TBX20: variants seen among roughly 807,000 people sequenced by gnomAD.
TBX20 encodes T-box transcription factor 20, also known as T-box transcription factor TBX20.
In TBX20, 8 loss-of-function variants were observed where a neutral mutation model predicts 42.9. The ratio of observed to expected loss-of-function variants is 0.19; its 90% CI spans 0.11 to 0.34. TBX20 has a LOEUF of 0.34. Among genes scored for constraint, TBX20 ranks in the 10% least tolerant of loss-of-function variants. TBX20 has a pLI of 1.00. For synonymous variants in TBX20, 198 were observed against 222.8 expected (o/e 0.89, Z 0.99); for missense variants, 411 against 566.0 (o/e 0.73, Z 2.78).
chr7:35,253,351 C>A, intron 1 of TBX20, 143 bp downstream of exon 1: 1 of 970,664 alleles, frequency 1.0e-6, no homozygotes, highest in African/African-American at 1.6e-5. Flanking sequence ...AAAACTTGGA[C>A]CCAAAAGAAA....
At chr7:35,226,417 A>T (rs1312643042) in intron 6 of TBX20, among the ~76,000 whole-genome samples, 1 of 151,904 alleles carries the variant, frequency 6.6e-6, no homozygotes, top group Non-Finnish European at 1.5e-5. Context: ...AAAAAAAAAA[A>T]AAAACCTAAG....
intron 6 of TBX20, among the ~76,000 whole-genome samples, chr7:35,218,425 G>A (rs888324963): frequency 1.3e-5 from 2 of 152,148 alleles, no homozygotes; most frequent in Admixed American, 6.5e-5. Flanking sequence ...CCCAACTGCT[G>A]TGTGATTATA....
At chr7:35,234,452 C>T (rs1313227507) in intron 5 of TBX20, among the ~76,000 whole-genome samples, 2 of 152,196 alleles carry the variant, frequency 1.3e-5, no homozygotes, top group Non-Finnish European at 2.9e-5. Flanking sequence ...ATAATACTGC[C>T]ATACTTTGAG....
At position 35,253,907 on chromosome 7, in the gene TBX20, A is replaced by T. The variant is rs1400586835; in HGVS notation, c.-287T>A. On this transcript the variant is annotated 5_prime_UTR_variant, in exon 1 of 8. Transcript: ENST00000408931. ...GCCCCGGGGCGCTCGGCAGGACGACAGTCTGCACAGCCCGAAGGCGGAAAC... is the reference window on the plus strand; with the variant it reads ...GCCCCGGGGCGCTCGGCAGGACGACTGTCTGCACAGCCCGAAGGCGGAAAC... 2 of 431,044 alleles carry T rather than the reference A, an allele frequency of 4.6e-6. No individual in the cohort carries two copies. The highest frequency in any genetic ancestry group is 8.4e-6 in the Non-Finnish European group (2 of 237,250). The allele number at this position is 431,044 out of a possible 1,614,324, so 26.7% of individuals were successfully genotyped here. A position where few individuals can be genotyped will look rare whatever the true frequency, so the allele number is the denominator to read the frequency against.
intron 6 of TBX20, 92 bp downstream of exon 6, chr7:35,231,412 G>A (rs1789863671): frequency 2.4e-6 from 2 of 838,070 alleles, no homozygotes; most frequent in Admixed American, 3.8e-5. Flanking sequence ...GTAAGGTTAT[G>A]ATTCTCTGGT....
At chr7:35,202,876 C>A in intron 7 of TBX20, 106 bp from the exon 8 acceptor site, 3 of 1,536,868 alleles carry the variant, frequency 2.0e-6, no homozygotes, top group Non-Finnish European at 2.6e-6. Flanking sequence ...TTTAATACGT[C>A]TGTAATTTAG....
At chr7:35,214,482 G>A (rs1423796797) in intron 6 of TBX20, among the ~76,000 whole-genome samples, 6 of 152,124 alleles carry the variant, frequency 3.9e-5, no homozygotes, top group African/African-American at 1.4e-4. Flanking sequence ...GAGAGGTACT[G>A]GTGAATATAT....
intron 5 of TBX20, among the ~76,000 whole-genome samples, chr7:35,237,879 A>G (rs1457690308): frequency 6.6e-6 from 1 of 151,902 alleles, no homozygotes; most frequent in Non-Finnish European, 1.5e-5. Context: ...AAAAAAAATG[A>G]GCATAAAGAG....
intron 6 of TBX20, among the ~76,000 whole-genome samples, chr7:35,220,429 C>G (rs539547589): frequency 6.6e-6 from 1 of 152,346 alleles, no homozygotes; most frequent in African/African-American, 2.4e-5. Context: ...GGTGAGGGAA[C>G]CAGCACTGCC....
At chr7:35,243,513 A>G (rs1176457016) in intron 4 of TBX20, among the ~76,000 whole-genome samples, 1 of 152,164 alleles carries the variant, frequency 6.6e-6, no homozygotes, top group Non-Finnish European at 1.5e-5. Flanking sequence ...TAATTCCTCT[A>G]AAAGCTTCAC....
At position 35,250,071 on chromosome 7, in the gene TBX20, G is replaced by A; in HGVS notation, c.260C>T (p.Pro87Leu). 6.2e-7 allele frequency: 1 copy of A among 1,613,962 alleles called. No individual in the cohort carries two copies. Among genetic ancestry groups the A allele is most frequent in the Non-Finnish European group, 8.5e-7 (1 of 1,179,976 alleles). The stretch of plus-strand genomic sequence containing the variant: ...CTCACTGGGGATGATGGGGGTGGTG[G>A]GGATCAGTGGCTCAGTGCACAGAGA... ...SSSLCTEPLI[P>L]TTPIIPSEEM... Residue 87 changes from proline to leucine, a missense_variant, in exon 2 of 8, where the codon CCC becomes CTC. Transcript: ENST00000408931.
chr7:35,244,102 T>A (rs922158098), intron 4 of TBX20, among the ~76,000 whole-genome samples: 1 of 152,246 alleles, frequency 6.6e-6, no homozygotes, highest in Admixed American at 6.5e-5. Context: ...TTATTATGTA[T>A]CAATTAAAAA....
intron 1 of TBX20, among the ~76,000 whole-genome samples, chr7:35,251,017 G>T (rs1198400659): frequency 1.3e-5 from 2 of 152,250 alleles, no homozygotes; most frequent in South Asian, 4.1e-4. Context: ...CTCAAATCCA[G>T]ACCAGCAGTG....
At chr7:35,228,913 A>G (rs950976538) in intron 6 of TBX20, among the ~76,000 whole-genome samples, 2 of 152,188 alleles carry the variant, frequency 1.3e-5, no homozygotes, top group African/African-American at 4.8e-5. Context: ...ATGTCCCTGA[A>G]GAGTAAGGCT....
chr7:35,236,688 T>G (rs1202591795), intron 5 of TBX20, among the ~76,000 whole-genome samples: 1 of 152,206 alleles, frequency 6.6e-6, no homozygotes, highest in Non-Finnish European at 1.5e-5. Context: ...GACTATTAAC[T>G]GGATTTCTAT....
At chr7:35,207,427 C>T (rs1169122118) in intron 6 of TBX20, among the ~76,000 whole-genome samples, 2 of 152,166 alleles carry the variant, frequency 1.3e-5, no homozygotes, top group Non-Finnish European at 2.9e-5. Context: ...TTCTTCTAGG[C>T]TGTGGCTTGC....
intron 5 of TBX20, among the ~76,000 whole-genome samples, chr7:35,239,898 C>T (rs187053687): frequency 8.6e-5 from 13 of 151,984 alleles, no homozygotes; most frequent in African/African-American, 3.1e-4. Flanking sequence ...ACTACAGGCA[C>T]CTGCCACCAG....
intron 6 of TBX20, among the ~76,000 whole-genome samples, chr7:35,226,345 T>C (rs561136710): frequency 1.4e-5 from 2 of 144,288 alleles, no homozygotes; most frequent in South Asian, 4.3e-4. Context: ...AATAAAATAC[T>C]AATACTCTTG....
rs1789406629 is a variant in TBX20 at position 35,206,699 on chromosome 7, C to A, written c.891-2117G>T. Among the ~76,000 whole-genome samples the A allele has an allele frequency of 2.6e-5, 4 of 152,332 alleles. 1 individual carries two copies. The South Asian group carries it at 8.3e-4, about 32-fold the overall frequency. ...CTCCTATGCTCCATGGTCCCCATCG[C>A]AACAAACCTTTCCAAGGAAACCACT... is the stretch of plus-strand genomic sequence containing the variant. On this transcript the variant is annotated intron_variant, in intron 6 of 7. Transcript: ENST00000408931.
Sources: gnomAD v4.1 joint callset for allele counts (sites outside exome capture counted in the v4.1 genomes callset) on GRCh38, gnomAD v4.1.1 for gene constraint, MANE v1.5 for transcripts, NCBI Gene and HGNC (gene_info 2026-07-23, HGNC 2026-07-21) for gene names.